NEURL1: variants seen among roughly 807,000 people sequenced by gnomAD.
The protein encoded by NEURL1 is neuralized E3 ubiquitin protein ligase 1.
In NEURL1, 26 loss-of-function variants were observed where a neutral mutation model predicts 41.2. The observed-to-expected ratio is 0.63, with a 90% CI of 0.46 to 0.87. The LOEUF is 0.87. Ranked by LOEUF, NEURL1 falls within the 40% of genes least tolerant of loss-of-function variation. NEURL1 has a pLI of 0.00. For synonymous variants in NEURL1, 400 were observed against 402.3 expected, an observed-to-expected ratio of 0.99 and a Z score of 0.07; for missense variants, 761 against 871.1, an observed-to-expected ratio of 0.87 and a Z score of 1.59.
rs144244223 is a variant in NEURL1, at chr10:103,540,594, CA to C, written c.86-30277del. On this transcript the variant is annotated intron_variant, in intron 1 of 5. Coordinates refer to ENST00000369780, the MANE Select transcript of NEURL1 (RefSeq NM_004210.5). ...TGCGAACCACCACGCCCAGCCTTCA[CA>C]CTTATTTTTATCACTACTTTTTTCT... Among the ~76,000 whole-genome samples, 465 of 152,248 alleles carry C rather than the reference CA, an allele frequency of 3.1e-3. 4 individuals carry two copies. Among genetic ancestry groups the C allele is most frequent in the Non-Finnish European group, 5.0e-3 (339 of 68,022 alleles).
At chr10:103,522,151 A>G (rs1287153038) in intron 1 of NEURL1, among the ~76,000 whole-genome samples, 1 of 152,140 alleles carries the variant, frequency 6.6e-6, no homozygotes, top group Non-Finnish European at 1.5e-5. Flanking sequence ...AGTTAAGGCA[A>G]GAACTGGCCA....
chr10:103,555,641 C>T (rs895920842), intron 1 of NEURL1, among the ~76,000 whole-genome samples: 5 of 152,062 alleles, frequency 3.3e-5, no homozygotes, highest in African/African-American at 4.8e-5. Flanking sequence ...CAGTGGCGCC[C>T]TCCCACTGAT....
chr10:103,550,171 C>A (rs2035005091), intron 1 of NEURL1, among the ~76,000 whole-genome samples: 1 of 152,118 alleles, frequency 6.6e-6, no homozygotes, highest in Non-Finnish European at 1.5e-5. Flanking sequence ...CCTTGGGGAA[C>A]CTGGATGAGA....
chr10:103,564,608 C>G (rs1467766115), intron 1 of NEURL1, among the ~76,000 whole-genome samples: 4 of 152,222 alleles, frequency 2.6e-5, no homozygotes, highest in Admixed American at 2.0e-4. Flanking sequence ...TTTGGAAGAC[C>G]AGGGTTCAAG....
intron 1 of NEURL1, among the ~76,000 whole-genome samples, chr10:103,523,884 T>C (rs1401638561): frequency 1.3e-5 from 2 of 152,246 alleles, no homozygotes; most frequent in African/African-American, 2.4e-5. Context: ...TTGGCTATTA[T>C]GAAGAGTGCT....
chr10:103,500,988 G>A (rs1293277054), intron 1 of NEURL1, among the ~76,000 whole-genome samples: 3 of 152,154 alleles, frequency 2.0e-5, no homozygotes, highest in Non-Finnish European at 4.4e-5. Context: ...GTTGGATGGG[G>A]GAGATTTGGA....
At chr10:103,503,339 G>T (rs1234800578) in intron 1 of NEURL1, among the ~76,000 whole-genome samples, 1 of 152,198 alleles carries the variant, frequency 6.6e-6, no homozygotes, top group Non-Finnish European at 1.5e-5. Flanking sequence ...GGGTAAGAGG[G>T]CAGAACTTAG....
intron 3 of NEURL1, among the ~76,000 whole-genome samples, chr10:103,574,152 G>A (rs1298935286): frequency 2.0e-5 from 3 of 152,184 alleles, no homozygotes; most frequent in African/African-American, 7.2e-5. Context: ...TGAAGAAAAC[G>A]GCAGGTGGGT....
At chr10:103,546,354 C>T (rs1026695448) in intron 1 of NEURL1, among the ~76,000 whole-genome samples, 1 of 152,224 alleles carries the variant, frequency 6.6e-6, no homozygotes, top group Non-Finnish European at 1.5e-5. Context: ...CAATTAATTT[C>T]CACCTCCTTG....
intron 1 of NEURL1, among the ~76,000 whole-genome samples, chr10:103,503,788 C>CTTTTTTTTTT (rs56098530): frequency 1.8e-5 from 2 of 110,586 alleles, no homozygotes. Flanking sequence ...CTCCCCCTGG[C>CTTTTTTTTTT]TTTTTTTTTT....
intron 1 of NEURL1, among the ~76,000 whole-genome samples, chr10:103,567,616 T>C (rs2035453473): frequency 6.6e-6 from 1 of 151,828 alleles, no homozygotes; most frequent in Non-Finnish European, 1.5e-5. Context: ...CAAGCCGGTC[T>C]CCAACTCCTA....
In NEURL1 at chr10:103,520,257, A is replaced by G. The variant is rs186373871; in HGVS notation, c.85+25785A>G. Among the ~76,000 whole-genome samples the G allele has an allele frequency of 1.3e-3, 202 of 152,336 alleles. 1 individual carries two copies. The highest frequency in any genetic ancestry group is 4.7e-3 in the African/African-American group (196 of 41,564). On this transcript the variant is annotated intron_variant, in intron 1 of 5. Transcript: ENST00000369780. ...CCACCAAACAGGCTTTGTGTGAGCA[A>G]TAAAGCTGTATATTTCACCTGGGTG...
Position 103,493,887 on chromosome 10 carries a change from G to C in NEURL1, c.-501G>C, listed in dbSNP as rs2033613448. The C allele has an allele frequency of 6.6e-6, 1 of 151,826 alleles. No individual in the cohort carries two copies. The highest frequency in any genetic ancestry group is 2.1e-4 in the South Asian group (1 of 4,834). The allele number at this position is 151,826 out of a possible 1,614,324, so 9.4% of individuals were successfully genotyped here. On this transcript the variant is annotated 5_prime_UTR_variant, in exon 1 of 6. Coordinates refer to ENST00000369780, the MANE Select transcript of NEURL1 (RefSeq NM_004210.5). ...AACGCCCCGCGCTCCGCCGAGCCCC[G>C]CTCCACGCAGACCCGCGGGCGGGAG...
chr10:103,524,297 G>GT (rs2034417633), intron 1 of NEURL1, among the ~76,000 whole-genome samples: 1 of 151,942 alleles, frequency 6.6e-6, no homozygotes, highest in African/African-American at 2.4e-5. Context: ...ATTTTTGTTT[G>GT]TTTTTTGCTG....
intron 1 of NEURL1, among the ~76,000 whole-genome samples, chr10:103,553,792 G>A (rs575311146): frequency 1.3e-5 from 2 of 152,252 alleles, no homozygotes; most frequent in East Asian, 1.9e-4. Context: ...CCACCTGCCC[G>A]CTGGCTTTCT....
intron 1 of NEURL1, among the ~76,000 whole-genome samples, chr10:103,533,752 G>T (rs938909812): frequency 6.6e-6 from 1 of 152,126 alleles, no homozygotes; most frequent in South Asian, 2.1e-4. Flanking sequence ...TAGCCAGGAT[G>T]GTCTCGATCT....
Position 103,545,480 on chromosome 10 carries a change from G to C in NEURL1, c.86-25392G>C, listed in dbSNP as rs1167625372. Among the ~76,000 whole-genome samples the C allele has an allele frequency of 6.6e-6, 1 of 152,182 alleles. No homozygotes were observed. The highest frequency in any genetic ancestry group is 2.4e-5 in the African/African-American group (1 of 41,446). Reference sequence around the variant, plus strand: ...TCCTTCCTGGACTCAGTGGGGATGAGAGCCACTGGCCTTTCCTGAGAGGCA... The same window carrying C: ...TCCTTCCTGGACTCAGTGGGGATGACAGCCACTGGCCTTTCCTGAGAGGCA... On this transcript the variant is annotated intron_variant, in intron 1 of 5. Transcript: ENST00000369780. This position sits in a 1 kb window ranked among gnomAD's most constrained non-coding sequence, Gnocchi z 4.5.
intron 1 of NEURL1, among the ~76,000 whole-genome samples, chr10:103,552,936 G>C (rs1032532274): frequency 5.3e-5 from 8 of 152,220 alleles, no homozygotes; most frequent in Non-Finnish European, 1.2e-4. Context: ...CTTCCCAGAA[G>C]AAGTGTTCCC....
intron 1 of NEURL1, among the ~76,000 whole-genome samples, chr10:103,500,104 C>G (rs922278774): frequency 1.2e-4 from 18 of 152,298 alleles, no homozygotes; most frequent in African/African-American, 4.1e-4. Flanking sequence ...CTGGTGGCCT[C>G]CTCAGAGTGA....
Sources: gnomAD v4.1 joint callset for allele counts (sites outside exome capture counted in the v4.1 genomes callset) on GRCh38, gnomAD v4.1.1 for gene constraint, Gnocchi (gnomAD v3.1) non-coding constraint, MANE v1.5 for transcripts, NCBI Gene and HGNC (gene_info 2026-07-23, HGNC 2026-07-21) for gene names.